The following MGAT4C variants were observed in gnomAD, a reference collection of about 807,000 sequenced individuals.
The protein encoded by MGAT4C is MGAT4 family member C.
Under a neutral mutation model 40.1 loss-of-function variants are expected in MGAT4C, and 19 were observed. The ratio of observed to expected loss-of-function variants is 0.47; its 90% CI spans 0.33 to 0.70. The LOEUF is 0.70. MGAT4C is among the 30% of genes least tolerant of loss of function. MGAT4C has a pLI of 0.02. For missense variants in MGAT4C, 491 were observed against 563.2 expected (o/e 0.87, Z 1.30); for synonymous variants, 181 against 187.1 (o/e 0.97, Z 0.27).
At chr12:86,179,192 T>C (rs1887832423) in intron 1 of MGAT4C, among the ~76,000 whole-genome samples, 1 of 152,196 alleles carries the variant, frequency 6.6e-6, no homozygotes. Context: ...CAGGGGTTTC[T>C]GCTTTTGCTT....
At chr12:86,782,171 A>ATT (rs57791582) in intron 1 of MGAT4C, among the ~76,000 whole-genome samples, 2,044 of 40,306 alleles carry the variant, frequency 0.051, 594 homozygotes, top group Admixed American at 0.08. Context: ...TGTTTTTTGT[A>ATT]TTTTTTTTTT....
chr12:86,114,348 G>A (rs932259602), intron 1 of MGAT4C, among the ~76,000 whole-genome samples: 2 of 151,876 alleles, frequency 1.3e-5, no homozygotes, highest in African/African-American at 4.8e-5. Context: ...GATCTGAGTA[G>A]AGGGACTATG....
intron 2 of MGAT4C, among the ~76,000 whole-genome samples, chr12:86,617,898 C>G (rs1357434072): frequency 1.3e-5 from 2 of 151,894 alleles, no homozygotes; most frequent in Non-Finnish European, 2.9e-5. Context: ...GAAGAGAAAA[C>G]GTGGTGAATG....
At chr12:86,805,169 G>T (rs11104096) in intron 1 of MGAT4C, among the ~76,000 whole-genome samples, 18,730 of 151,892 alleles carry the variant, frequency 0.12, 1,288 homozygotes, top group Non-Finnish European at 0.15. Flanking sequence ...AATGTTAATT[G>T]TCTTGATTAC....
chr12:86,729,968 AATC>A (rs1377832294), intron 1 of MGAT4C, among the ~76,000 whole-genome samples: 9 of 152,094 alleles, frequency 5.9e-5, no homozygotes, highest in African/African-American at 2.2e-4. Flanking sequence ...TTTTGATATT[AATC>A]ATGGCATAGT....
At chr12:86,760,962 G>C (rs1951394492) in intron 1 of MGAT4C, among the ~76,000 whole-genome samples, 1 of 152,162 alleles carries the variant, frequency 6.6e-6, no homozygotes, top group Non-Finnish European at 1.5e-5. Context: ...ATAACTCAAA[G>C]ATACAAGGTA....
chr12:86,186,685 G>T (rs1328929202), intron 1 of MGAT4C, among the ~76,000 whole-genome samples: 1 of 152,060 alleles, frequency 6.6e-6, no homozygotes, highest in African/African-American at 2.4e-5. Flanking sequence ...CCTAGGTCTT[G>T]CCTAAAACCA....
intron 1 of MGAT4C, among the ~76,000 whole-genome samples, chr12:86,178,149 G>A (rs912962472): frequency 6.6e-6 from 1 of 152,150 alleles, no homozygotes; most frequent in Non-Finnish European, 1.5e-5. Flanking sequence ...TGTTAGCCAG[G>A]ATGGTCTTGA....
intron 1 of MGAT4C, among the ~76,000 whole-genome samples, chr12:86,767,242 C>A (rs773495226): frequency 6.6e-6 from 1 of 152,156 alleles, no homozygotes; most frequent in African/African-American, 2.4e-5. Context: ...AACACCTCTA[C>A]ACAAATAAAC....
At chr12:86,694,606 G>A (rs915637387) in intron 2 of MGAT4C, among the ~76,000 whole-genome samples, 3 of 152,236 alleles carry the variant, frequency 2.0e-5, no homozygotes, top group African/African-American at 7.2e-5. Context: ...ATAAAAATAT[G>A]TCATGTCAGG....
chr12:86,462,669 T>C (rs796234502), intron 2 of MGAT4C, among the ~76,000 whole-genome samples: 2 of 152,150 alleles, frequency 1.3e-5, no homozygotes, highest in South Asian at 4.1e-4. Flanking sequence ...CTTCAGTCTA[T>C]AGCTGAAGGC....
At chr12:86,167,002 A>G (rs1445227413) in intron 1 of MGAT4C, among the ~76,000 whole-genome samples, 2 of 152,174 alleles carry the variant, frequency 1.3e-5, no homozygotes, top group African/African-American at 4.8e-5. Context: ...TATACCTTAT[A>G]TTTTGGTAAA....
intron 1 of MGAT4C, among the ~76,000 whole-genome samples, chr12:86,212,600 C>T (rs1457108013): frequency 2.0e-5 from 3 of 151,478 alleles, no homozygotes. Flanking sequence ...GTATAAAGAA[C>T]ACTCATGGCC....
Position 86,433,138 on chromosome 12 carries a change from G to C in MGAT4C, c.-120+2019C>G, listed in dbSNP as rs964733976. ...TATCCTGCTGTGCCAAACTCATCAG[G>C]GGGGCAGAGATGCTATACTTGCTTC... On this transcript the variant is annotated intron_variant, in intron 3 of 7. Transcript: ENST00000548651. 5.3e-5 allele frequency among the ~76,000 whole-genome samples: 8 copies of C among 151,924 alleles called. No homozygotes were observed. The South Asian group carries it at 1.4e-3, about 28-fold the overall frequency.
chr12:86,733,305 T>C (rs1950939249), intron 1 of MGAT4C, among the ~76,000 whole-genome samples: 2 of 152,210 alleles, frequency 1.3e-5, no homozygotes, highest in South Asian at 4.1e-4. Flanking sequence ...AGAATTATGC[T>C]TTTAGAATTC....
intron 2 of MGAT4C, among the ~76,000 whole-genome samples, chr12:86,516,352 A>C (rs1421646100): frequency 2.6e-5 from 4 of 152,182 alleles, no homozygotes; most frequent in Non-Finnish European, 1.5e-5. Flanking sequence ...GGAGGAAAGA[A>C]TAGTCTTTTC....
intron 2 of MGAT4C, among the ~76,000 whole-genome samples, chr12:86,491,874 C>T (rs1364543675): frequency 6.6e-6 from 1 of 152,120 alleles, no homozygotes; most frequent in Non-Finnish European, 1.5e-5. Context: ...TTGCAGACGA[C>T]ATGACTGTAT....
chr12:86,230,050 A>G (rs1241899927), intron 1 of MGAT4C, among the ~76,000 whole-genome samples: 4 of 152,080 alleles, frequency 2.6e-5, no homozygotes, highest in Non-Finnish European at 5.9e-5. Context: ...CCCCAGTAGA[A>G]TGCAAGGTAC....
At chr12:86,801,427 T>C (rs1389177832) in intron 1 of MGAT4C, among the ~76,000 whole-genome samples, 1 of 151,752 alleles carries the variant, frequency 6.6e-6, no homozygotes, top group African/African-American at 2.4e-5. Flanking sequence ...GGAACAGTAA[T>C]GAATATGAGT....
Sources: gnomAD v4.1 joint callset for allele counts (sites outside exome capture counted in the v4.1 genomes callset) on GRCh38, gnomAD v4.1.1 for gene constraint, MANE v1.5 for transcripts, NCBI Gene and HGNC (gene_info 2026-07-23, HGNC 2026-07-21) for gene names.